Variants in RBFOX1 observed in about 807,000 individuals in gnomAD.
The protein encoded by RBFOX1 is RNA binding protein fox-1 homolog 1.
RBFOX1 carries 8 observed loss-of-function variants against 57.7 expected under a neutral mutation model. The ratio of observed to expected loss-of-function variants is 0.14; its 90% CI spans 0.08 to 0.25. The LOEUF is 0.25. RBFOX1 is among the 10% of genes least tolerant of loss of function. RBFOX1 has a pLI of 1.00. For synonymous variants in RBFOX1, 326 were observed against 222.4 expected, an observed-to-expected ratio of 1.47 and a Z score of -4.15; for missense variants, 611 against 548.5, an observed-to-expected ratio of 1.11 and a Z score of -1.14.
At chr16:5,307,056 C>A (rs79181490) in intron 1 of RBFOX1, among the ~76,000 whole-genome samples, 2,833 of 151,258 alleles carry the variant, frequency 0.019, 73 homozygotes, top group African/African-American at 0.065. Flanking sequence ...TAAGCTTCTC[C>A]GTGGTGGGGG....
intron 3 of RBFOX1, among the ~76,000 whole-genome samples, chr16:6,880,375 C>T (rs927007582): frequency 6.6e-6 from 1 of 152,154 alleles, no homozygotes; most frequent in African/African-American, 2.4e-5. Context: ...CTTTCCACTT[C>T]AGTCACTGCA....
At chr16:7,591,464 A>C (rs1369805045) in intron 7 of RBFOX1, among the ~76,000 whole-genome samples, 1 of 152,194 alleles carries the variant, frequency 6.6e-6, no homozygotes, top group Non-Finnish European at 1.5e-5. Context: ...AATACAAAAG[A>C]TGAAAAAAGA....
intron 1 of RBFOX1, among the ~76,000 whole-genome samples, chr16:6,058,829 TATTTATCCATCCATCC>T (rs1401887456): frequency 2.0e-4 from 25 of 125,588 alleles, no homozygotes; most frequent in African/African-American, 6.0e-4. Context: ...CCCACTCATT[TATTTATCCATCCATCC>T]ATCCATCCAT....
chr16:5,902,170 T>G (rs1597710087), intron 4 of RBFOX1, among the ~76,000 whole-genome samples: 1 of 152,172 alleles, frequency 6.6e-6, no homozygotes, highest in South Asian at 2.1e-4. Context: ...TCCAGAAAAT[T>G]TATTTATCGC....
intron 1 of RBFOX1, among the ~76,000 whole-genome samples, chr16:5,316,766 C>T (rs1271903939): frequency 6.6e-6 from 1 of 152,176 alleles, no homozygotes; most frequent in Non-Finnish European, 1.5e-5. Context: ...GAAAGGGAAA[C>T]CCAGGTGGTT....
chr16:7,298,282 TTTG>T (rs1255826697), intron 4 of RBFOX1, among the ~76,000 whole-genome samples: 27 of 141,598 alleles, frequency 1.9e-4, no homozygotes, highest in South Asian at 9.0e-4. Flanking sequence ...TAGGTTTTTT[TTTG>T]TTTTTTTTTT....
intron 3 of RBFOX1, among the ~76,000 whole-genome samples, chr16:6,799,055 A>G (rs1428938257): frequency 6.6e-6 from 1 of 152,056 alleles, no homozygotes; most frequent in Non-Finnish European, 1.5e-5. Flanking sequence ...ATTAGGCTAT[A>G]TTTGGTAGCT....
At chr16:5,483,626 T>C (rs576791463) in intron 2 of RBFOX1, among the ~76,000 whole-genome samples, 2 of 152,360 alleles carry the variant, frequency 1.3e-5, no homozygotes, top group African/African-American at 4.8e-5. Context: ...TGCCAATTTG[T>C]CTTTTCTAAT....
Position 5,943,278 on chromosome 16 carries a change from C to T in RBFOX1, c.351+75943C>T, listed in dbSNP as rs377555825. 2.6e-5 allele frequency among the ~76,000 whole-genome samples: 4 copies of T among 152,158 alleles called. No individual in the cohort carries two copies. In the South Asian group the frequency reaches 8.3e-4, roughly 32 times the overall value. Reference sequence around the variant, plus strand: ...ATCACAGGCTTCTTAAGTGAACTTTCTTAGTATGTAGTCCAGGAATCCACA... The same window carrying T: ...ATCACAGGCTTCTTAAGTGAACTTTTTTAGTATGTAGTCCAGGAATCCACA... On this transcript the variant is annotated intron_variant, in intron 4 of 19. Transcript: ENST00000641259.
intron 1 of RBFOX1, among the ~76,000 whole-genome samples, chr16:5,451,763 T>C (rs535923368): frequency 9.2e-5 from 14 of 152,160 alleles, no homozygotes; most frequent in Non-Finnish European, 1.9e-4. Flanking sequence ...AGCTCATTCA[T>C]TCCGCTCTTT....
chr16:6,554,946 T>G (rs2153889094), intron 2 of RBFOX1, among the ~76,000 whole-genome samples: 1 of 152,296 alleles, frequency 6.6e-6, no homozygotes. Flanking sequence ...GACCTAGGGC[T>G]AAGTGACTAG....
chr16:7,497,705 C>T (rs2069151311), intron 4 of RBFOX1, among the ~76,000 whole-genome samples: 1 of 152,182 alleles, frequency 6.6e-6, no homozygotes, highest in African/African-American at 2.4e-5. Flanking sequence ...TGCAAGATAT[C>T]CTTCCATGTG....
chr16:6,712,013 C>G (rs7187918), intron 3 of RBFOX1, among the ~76,000 whole-genome samples: 11,924 of 152,222 alleles, frequency 0.078, 738 homozygotes, highest in East Asian at 0.37. Flanking sequence ...ATCTCGCTCT[C>G]TTTCTCTGTC....
chr16:6,671,749 A>G (rs1603305357), intron 3 of RBFOX1, among the ~76,000 whole-genome samples: 2 of 152,332 alleles, frequency 1.3e-5, no homozygotes, highest in South Asian at 2.1e-4. Flanking sequence ...TTCAATTAGA[A>G]TAACAGTTTC....
chr16:5,679,501 C>T (rs1170858492), intron 3 of RBFOX1, among the ~76,000 whole-genome samples: 1 of 152,076 alleles, frequency 6.6e-6, no homozygotes, highest in Non-Finnish European at 1.5e-5. Context: ...TCTCCCTCCC[C>T]TTGTCCCCCA....
chr16:5,551,159 C>A (rs1003974833), intron 2 of RBFOX1, among the ~76,000 whole-genome samples: 4 of 152,220 alleles, frequency 2.6e-5, no homozygotes, highest in African/African-American at 4.8e-5. Flanking sequence ...TGTTTTTCTT[C>A]TGGCTTGAGA....
chr16:7,201,757 C>G (rs1442330219), intron 4 of RBFOX1, among the ~76,000 whole-genome samples: 2 of 152,080 alleles, frequency 1.3e-5, no homozygotes, highest in African/African-American at 2.4e-5. Context: ...GCCACCATGC[C>G]CGGCCGATCT....
At chr16:7,202,172 C>G (rs1394716225) in intron 4 of RBFOX1, among the ~76,000 whole-genome samples, 1 of 151,468 alleles carries the variant, frequency 6.6e-6, no homozygotes, top group Non-Finnish European at 1.5e-5. Context: ...GACATTTCTT[C>G]AAAGAACATA....
chr16:6,653,372 A>G (rs1216777272), intron 2 of RBFOX1, among the ~76,000 whole-genome samples: 1 of 152,176 alleles, frequency 6.6e-6, no homozygotes, highest in Non-Finnish European at 1.5e-5. Context: ...TGTCTTCTAC[A>G]TTGTTGAGTC....
Sources: gnomAD v4.1 joint callset for allele counts (sites outside exome capture counted in the v4.1 genomes callset) on GRCh38, gnomAD v4.1.1 for gene constraint, MANE v1.5 for transcripts, NCBI Gene and HGNC (gene_info 2026-07-23, HGNC 2026-07-21) for gene names.